Variants in R3HDM1 observed in about 807,000 individuals in gnomAD.
R3HDM1 encodes the protein R3H domain containing 1.
A neutral mutation model predicts 141.1 loss-of-function variants in R3HDM1; 46 were observed. That is an observed-to-expected ratio of 0.33 (90% CI 0.26 to 0.42). The LOEUF (loss-of-function observed/expected upper bound fraction) is 0.42, where lower values mean the gene tolerates loss of function less well. R3HDM1 is among the 10% of genes least tolerant of loss of function. R3HDM1 has a pLI of 1.00. For missense variants in R3HDM1, 1,184 were observed against 1,368.3 expected, an observed-to-expected ratio of 0.87 and a Z score of 2.12; for synonymous variants, 435 against 472.9, an observed-to-expected ratio of 0.92 and a Z score of 1.04.
chr2:135,608,188 C>T (rs549834871), intron 3 of R3HDM1, among the ~76,000 whole-genome samples: 78 of 152,064 alleles, frequency 5.1e-4, no homozygotes, highest in African/African-American at 1.8e-3. Flanking sequence ...TGGTGGCGCA[C>T]GCCTGTAATC....
rs756084570 is a variant in R3HDM1, at chr2:135,680,282, T to C, written c.2417T>C (p.Val806Ala). ...TCTATGCCCACAACAGGAATGCCTG[T>C]TTACTATAGTGTCATTCCACCTGGT... ...QGSMPTTGMP[V>A]YYSVIPPGQQ... Residue 806 changes from valine to alanine, a missense_variant, in exon 21 of 27, where the codon GTT becomes GCT. Transcript: ENST00000683871. The C allele has an allele frequency of 6.2e-7, 1 of 1,614,060 alleles. No individual in the cohort carries two copies. The highest frequency in any genetic ancestry group is 1.1e-5 in the South Asian group (1 of 91,072).
At chr2:135,581,450 A>G in intron 1 of R3HDM1, 1 of 946,530 alleles carries the variant, frequency 1.1e-6, no homozygotes, top group Non-Finnish European at 1.3e-6. Context: ...TCATTTCACC[A>G]TTGGTTGTGG....
chr2:135,664,336 C>T (rs1468447273), intron 19 of R3HDM1, among the ~76,000 whole-genome samples: 2 of 152,036 alleles, frequency 1.3e-5, no homozygotes, highest in African/African-American at 4.8e-5. Context: ...TTGCTTACCC[C>T]ACAGTGTCAA....
Position 135,641,612 on chromosome 2 carries a change from T to C in R3HDM1, c.1296T>C (p.Ala432=). The part of the protein sequence containing the change: ...SHIQQPLPGT[A]LSQSSHGAPV... ...TCCAGCAGCCTCTTCCAGGTACAGC[T>C]CTCAGCCAGTCTTCTCATGGCGCAC... is the stretch of plus-strand genomic sequence containing the variant. The change falls in exon 15 of 27, where the codon GCT becomes GCC. Residue 432 remains alanine, a synonymous_variant. Transcript: ENST00000683871. The C allele has an allele frequency of 6.2e-7, 1 of 1,614,144 alleles. No individual in the cohort carries two copies. The highest frequency in any genetic ancestry group is 1.1e-5 in the South Asian group (1 of 91,088).
intron 1 of R3HDM1, among the ~76,000 whole-genome samples, chr2:135,554,505 A>G (rs558762597): frequency 5.3e-5 from 8 of 152,308 alleles, no homozygotes; most frequent in African/African-American, 1.7e-4. Context: ...GTATGTTTTC[A>G]TATCTCTTGG....
At position 135,562,996 on chromosome 2, in the gene R3HDM1, A is replaced by G. The variant is rs553497768; in HGVS notation, c.-250+31363A>G. 3.3e-5 allele frequency among the ~76,000 whole-genome samples: 5 copies of G among 152,352 alleles called. No homozygotes were observed. In the South Asian group the frequency reaches 1.0e-3, roughly 32 times the overall value. On this transcript the variant is annotated intron_variant, in intron 1 of 26. Coordinates refer to ENST00000683871, the MANE Select transcript of R3HDM1 (RefSeq NM_001378107.1). ...AAAAATAATAGTATCCCCTTTCATT[A>G]TGAAAAGTATTCCAGTTTGGATAAG...
chr2:135,601,474 T>C (rs538947747), intron 1 of R3HDM1, among the ~76,000 whole-genome samples: 142 of 152,354 alleles, frequency 9.3e-4, no homozygotes, highest in African/African-American at 3.0e-3. Flanking sequence ...GATCTCATTA[T>C]ATGCATATAT....
At chr2:135,629,315 A>AAAACAAACAAAC (rs138706311) in intron 7 of R3HDM1, among the ~76,000 whole-genome samples, 1 of 151,644 alleles carries the variant, frequency 6.6e-6, no homozygotes, top group Non-Finnish European at 1.5e-5. Flanking sequence ...GACTGTCTCA[A>AAAACAAACAAAC]AAACAAACAA....
At chr2:135,561,341 C>G (rs1355477155) in intron 1 of R3HDM1, 1 of 981,922 alleles carries the variant, frequency 1.0e-6, no homozygotes, top group African/African-American at 1.7e-5. Context: ...GGCAGCTTTT[C>G]ATTATCCAAA....
intron 3 of R3HDM1, among the ~76,000 whole-genome samples, chr2:135,609,380 T>C (rs1357118455): frequency 6.6e-6 from 1 of 152,234 alleles, no homozygotes; most frequent in Non-Finnish European, 1.5e-5. Context: ...CCTGTGTGCA[T>C]TAACGTCAGG....
At chr2:135,651,058 C>G in intron 17 of R3HDM1, 1 of 985,270 alleles carries the variant, frequency 1.0e-6, no homozygotes, top group African/African-American at 1.7e-5. Context: ...AATCATAACC[C>G]TTGTCTTGGT....
chr2:135,712,853 G>A (rs1374775320), intron 23 of R3HDM1, among the ~76,000 whole-genome samples: 2 of 151,816 alleles, frequency 1.3e-5, no homozygotes, highest in South Asian at 2.1e-4. Context: ...CCTGGGAGGC[G>A]GAGCTTGCAG....
At chr2:135,603,396 A>AT in intron 2 of R3HDM1, among the ~76,000 whole-genome samples, 2 of 152,282 alleles carry the variant, frequency 1.3e-5, no homozygotes, top group Middle Eastern at 6.8e-3. Flanking sequence ...CCGCCACAAG[A>AT]TTTTATTACG....
At chr2:135,565,483 C>T (rs538001172) in intron 1 of R3HDM1, among the ~76,000 whole-genome samples, 1 of 151,592 alleles carries the variant, frequency 6.6e-6, no homozygotes, top group African/African-American at 2.4e-5. Flanking sequence ...CGTGCCATTG[C>T]ATCTAGTTCA....
At chr2:135,544,556 G>A (rs1698290409) in intron 1 of R3HDM1, among the ~76,000 whole-genome samples, 1 of 152,154 alleles carries the variant, frequency 6.6e-6, no homozygotes, top group Non-Finnish European at 1.5e-5. Flanking sequence ...AAAATTTCCA[G>A]AAATGGAGGA....
chr2:135,661,160 A>T, intron 18 of R3HDM1, 110 bp from the exon 19 acceptor site: 4 of 1,303,534 alleles, frequency 3.1e-6, no homozygotes, highest in Admixed American at 2.5e-5. Flanking sequence ...CAGTTTTCCA[A>T]TGATTAGTGC....
At chr2:135,577,414 CAAAAAAAAAAAAA>C (rs35038268) in intron 1 of R3HDM1, among the ~76,000 whole-genome samples, 10 of 15,806 alleles carry the variant, frequency 6.3e-4, no homozygotes, top group Admixed American at 4.6e-3. Context: ...ATTAAATGAC[CAAAAAAAAAAAAA>C]AAAAAAAAAA....
chr2:135,717,304 T>C (rs544003207), intron 24 of R3HDM1, among the ~76,000 whole-genome samples: 1 of 152,104 alleles, frequency 6.6e-6, no homozygotes, highest in African/African-American at 2.4e-5. Context: ...GCCAACATAG[T>C]GAAACCCCAT....
rs2076092180 is a variant in R3HDM1 at position 135,715,687 on chromosome 2, C to T, written c.2874C>T (p.Pro958=). The T allele has an allele frequency of 5.0e-6, 8 of 1,612,734 alleles. No homozygotes were observed. Among genetic ancestry groups the T allele is most frequent in the East Asian group, 2.2e-5 (1 of 44,848 alleles). ...CCCAATTTTCTAGACCTTTTGTCCCCGGGCAAGGTAAGTGCACATGAAACT... is the reference window on the plus strand; with the variant it reads ...CCCAATTTTCTAGACCTTTTGTCCCTGGGCAAGGTAAGTGCACATGAAACT... ...IMPQFSRPFV[P]GQGDSRYPLL... Residue 958 remains proline, a synonymous_variant, in exon 24 of 27, where the codon CCC becomes CCT. Transcript: ENST00000683871.
Sources: gnomAD v4.1 joint callset for allele counts (sites outside exome capture counted in the v4.1 genomes callset) on GRCh38, gnomAD v4.1.1 for gene constraint, MANE v1.5 for transcripts, NCBI Gene and HGNC (gene_info 2026-07-23, HGNC 2026-07-21) for gene names.